PODXL2: variants seen among roughly 807,000 people sequenced by gnomAD.
The protein encoded by PODXL2 is podocalyxin-like protein 2.
In PODXL2, 17 loss-of-function variants were observed where a neutral mutation model predicts 53.4. That is an observed-to-expected ratio of 0.32 (90% CI 0.22 to 0.48). The LOEUF is 0.48. Among genes scored for constraint, PODXL2 ranks in the 20% least tolerant of loss-of-function variants. The pLI is 0.99. For missense variants in PODXL2, 673 were observed against 760.0 expected (o/e 0.89, Z 1.35); for synonymous variants, 311 against 306.7 (o/e 1.01, Z -0.15).
intron 2 of PODXL2, among the ~76,000 whole-genome samples, chr3:127,651,241 C>T (rs1460565141): frequency 2.0e-5 from 3 of 152,208 alleles, no homozygotes; most frequent in Admixed American, 1.3e-4. Context: ...CCAGCCTGGG[C>T]GACAGACTAA....
chr3:127,666,117 C>T (rs1473451247), intron 4 of PODXL2, among the ~76,000 whole-genome samples: 1 of 152,144 alleles, frequency 6.6e-6, no homozygotes, highest in Admixed American at 6.5e-5. Context: ...AATTCTAATC[C>T]ATCACCACTG....
intron 4 of PODXL2, chr3:127,666,013 T>C: frequency 2.3e-6 from 1 of 433,592 alleles, no homozygotes; most frequent in Non-Finnish European, 4.6e-6. Context: ...CTGAGCAATA[T>C]GGATCTTTAT....
At chr3:127,644,940 C>T (rs541250750) in intron 2 of PODXL2, among the ~76,000 whole-genome samples, 10 of 152,330 alleles carry the variant, frequency 6.6e-5, no homozygotes, top group African/African-American at 2.4e-4. Context: ...CCTGTCCCCT[C>T]GCCTTACGTT....
intron 2 of PODXL2, among the ~76,000 whole-genome samples, chr3:127,650,852 G>C (rs967046778): frequency 2.6e-5 from 4 of 151,960 alleles, no homozygotes; most frequent in Non-Finnish European, 4.4e-5. Context: ...GTAGAGACGG[G>C]GTTTCACCGT....
rs1356073687 is a variant in PODXL2, at chr3:127,669,076, G to C, written c.1364-65G>C. The stretch of plus-strand genomic sequence containing the variant: ...GGCCAGCTGTTGGAGAGCGGGGCCA[G>C]AGCCCTTGGAGGGGCACGCACCTCA... On this transcript the variant is annotated intron_variant, in intron 5 of 7. Transcript: ENST00000342480. 2.7e-6 allele frequency: 3 copies of C among 1,111,132 alleles called. No homozygotes were observed. The African/African-American group carries it at 4.8e-5, about 18-fold the overall frequency. The allele number at this position is 1,111,132 out of a possible 1,614,324, so 68.8% of individuals were successfully genotyped here. A position where few individuals can be genotyped will look rare whatever the true frequency, so the allele number is the denominator to read the frequency against.
chr3:127,660,265 T>A, intron 2 of PODXL2, 113 bp from the exon 3 acceptor site: 1 of 1,382,566 alleles, frequency 7.2e-7, no homozygotes. Flanking sequence ...CATGACCTGA[T>A]GACCCCTGCC....
chr3:127,660,898 T>C lies in PODXL2; in HGVS notation c.870T>C (p.Thr290=). 1.2e-6 allele frequency: 2 copies of C among 1,614,246 alleles called. No homozygotes were observed. Among genetic ancestry groups the C allele is most frequent in the Non-Finnish European group, 1.7e-6 (2 of 1,180,048 alleles). Residue 290 remains threonine, a synonymous_variant, in exon 3 of 8, where the codon ACT becomes ACC. Transcript: ENST00000342480. ...EAPQEASEEA[T]AGAAGLSGQH... ...CTCAGGAAGCAAGCGAGGAAGCCAC[T>C]GCAGGAGCAGCTGGTTTGTCTGGCC...
rs777536027 is a variant in PODXL2, at chr3:127,660,538, G to A, written c.510G>A (p.Glu170=). 4.3e-6 allele frequency: 7 copies of A among 1,613,814 alleles called. No homozygotes were observed. The highest frequency in any genetic ancestry group is 2.2e-5 in the East Asian group (1 of 44,874). The change falls in exon 3 of 8, where the codon GAG becomes GAA. Residue 170 remains glutamate (E), a synonymous_variant. Transcript: ENST00000342480. The part of the protein sequence containing the change: ...PREEEEEEEE[E]EEREKEEVEK... The stretch of plus-strand genomic sequence containing the variant: ...AGGAGGAAGAAGAGGAAGAGGAAGA[G>A]GAGGAGAGGGAGAAGGAAGAGGTAG...
intron 7 of PODXL2, among the ~76,000 whole-genome samples, chr3:127,671,891 C>T (rs565082796): frequency 7.9e-5 from 12 of 152,322 alleles, no homozygotes; most frequent in Non-Finnish European, 1.3e-4. Context: ...GGCCTGAGCA[C>T]CTGAATACCT....
intron 2 of PODXL2, among the ~76,000 whole-genome samples, chr3:127,647,811 G>A (rs2074665782): frequency 6.6e-6 from 1 of 152,224 alleles, no homozygotes; most frequent in South Asian, 2.1e-4. Flanking sequence ...TCACTGGATG[G>A]TCTCCCTGAG....
chr3:127,641,321 C>T (rs2074618441), intron 2 of PODXL2, among the ~76,000 whole-genome samples: 1 of 150,802 alleles, frequency 6.6e-6, no homozygotes, highest in South Asian at 2.1e-4. Context: ...GCGATCCTCC[C>T]ACCTCAGCCT....
At position 127,629,871 on chromosome 3, in the gene PODXL2, A is replaced by C. The variant is rs1370120934; in HGVS notation, c.70+582A>C. Among the ~76,000 whole-genome samples the C allele has an allele frequency of 2.0e-5, 3 of 152,140 alleles. No individual in the cohort carries two copies. The highest frequency in any genetic ancestry group is 7.2e-5 in the African/African-American group (3 of 41,432). ...TGGGCGACTCTATTAGGAGCTGACA[A>C]AAACGGGCGTACAGCCACGGAAGGC... On this transcript the variant is annotated intron_variant, in intron 1 of 7. Transcript: ENST00000342480. The surrounding 1 kb of genome is among the most constrained non-coding windows in gnomAD (Gnocchi z 6.4).
chr3:127,634,911 A>G (rs189091903), intron 1 of PODXL2, among the ~76,000 whole-genome samples: 1 of 152,228 alleles, frequency 6.6e-6, no homozygotes, highest in Admixed American at 6.5e-5. Context: ...TGCAGGGGGA[A>G]TTGCTAGGGG....
chr3:127,638,579 G>A (rs1020956492), intron 1 of PODXL2, among the ~76,000 whole-genome samples: 2 of 152,170 alleles, frequency 1.3e-5, no homozygotes, highest in Non-Finnish European at 2.9e-5. Flanking sequence ...GCCAGGCGTG[G>A]TGGTGGGCAC....
intron 2 of PODXL2, among the ~76,000 whole-genome samples, chr3:127,649,711 T>G (rs1008095072): frequency 1.3e-5 from 2 of 151,968 alleles, no homozygotes; most frequent in Non-Finnish European, 2.9e-5. Flanking sequence ...CCGAGGCGGG[T>G]GGATCACCTG....
At chr3:127,662,678 C>G (rs1165984614) in intron 4 of PODXL2, among the ~76,000 whole-genome samples, 2 of 152,136 alleles carry the variant, frequency 1.3e-5, no homozygotes, top group Non-Finnish European at 2.9e-5. Context: ...TATACATGCT[C>G]TCCACACATG....
chr3:127,657,232 G>A (rs369125065), intron 2 of PODXL2, among the ~76,000 whole-genome samples: 148 of 152,242 alleles, frequency 9.7e-4, no homozygotes, highest in African/African-American at 3.3e-3. Flanking sequence ...TCTGACTTTT[G>A]GAAAGTCAGC....
At chr3:127,671,909 G>A (rs1213191989) in intron 7 of PODXL2, among the ~76,000 whole-genome samples, 2 of 152,218 alleles carry the variant, frequency 1.3e-5, no homozygotes, top group African/African-American at 4.8e-5. Context: ...CCTCACCAGA[G>A]GCAGGCCCTG....
chr3:127,669,758 C>A (rs1197511857), intron 6 of PODXL2, among the ~76,000 whole-genome samples: 2 of 152,208 alleles, frequency 1.3e-5, no homozygotes, highest in African/African-American at 2.4e-5. Context: ...GTGCCCCCAC[C>A]CAGTGCAGTC....
Sources: allele counts gnomAD v4.1 joint callset (sites outside exome capture counted in the v4.1 genomes callset), GRCh38; gene constraint gnomAD v4.1.1; non-coding constraint Gnocchi (gnomAD v3.1); transcripts MANE v1.5; gene names NCBI Gene and HGNC (gene_info 2026-07-23, HGNC 2026-07-21).